Variants in PELI1 observed in about 807,000 individuals in gnomAD.
The protein encoded by PELI1 is pellino E3 ubiquitin protein ligase 1, also known as E3 ubiquitin-protein ligase pellino homolog 1.
In PELI1, 15 loss-of-function variants were observed where a neutral mutation model predicts 41.3. The observed-to-expected ratio is 0.36, with a 90% confidence interval of 0.24 to 0.56. PELI1 has a LOEUF of 0.56. Ranked by LOEUF, PELI1 falls within the 20% of genes least tolerant of loss-of-function variation. PELI1 has a pLI of 0.82. For missense variants in PELI1, 403 were observed against 525.5 expected (o/e 0.77, Z 2.28); for synonymous variants, 178 against 180.1 (o/e 0.99, Z 0.09).
At chr2:64,098,250 A>C (rs1476546491) in intron 4 of PELI1, among the ~76,000 whole-genome samples, 1 of 152,250 alleles carries the variant, frequency 6.6e-6, no homozygotes, top group Non-Finnish European at 1.5e-5. Context: ...TTAAAAATAC[A>C]GCTCTTTTGT....
chr2:64,128,603 G>A (rs1681462266), intron 1 of PELI1, among the ~76,000 whole-genome samples: 1 of 152,028 alleles, frequency 6.6e-6, no homozygotes, highest in African/African-American at 2.4e-5. Context: ...AGACTAATGT[G>A]ACATCCATAA....
In PELI1 at chr2:64,108,215, G is replaced by C. The variant is rs766121224; in HGVS notation, c.71+25C>G. 7.6e-6 allele frequency: 10 copies of C among 1,311,882 alleles called. No individual in the cohort carries two copies. The East Asian group carries it at 1.8e-4, about 24-fold the overall frequency. 81.3% of individuals were successfully genotyped at this position (1,311,882 alleles called of 1,614,324 possible). ...GTTAGCATATATTATTAAACTGTGT[G>C]TGTCATCAAATGGAGAAACCTTACC... On this transcript the variant is annotated intron_variant, in intron 2 of 6. Coordinates refer to ENST00000358912, the MANE Select transcript of PELI1 (RefSeq NM_020651.4).
chr2:64,143,388 G>GA (rs1576110797), intron 1 of PELI1: 1 of 152,154 alleles, frequency 6.6e-6, no homozygotes, highest in African/African-American at 2.4e-5. Context: ...CGGGGCTTTG[G>GA]AGAACGGGTT....
At chr2:64,116,184 G>C (rs1050966518) in intron 1 of PELI1, among the ~76,000 whole-genome samples, 1 of 152,126 alleles carries the variant, frequency 6.6e-6, no homozygotes, top group African/African-American at 2.4e-5. Context: ...ATATAGTCTT[G>C]CAACCTTACC....
At chr2:64,104,488 G>A in intron 3 of PELI1, 1 of 602,056 alleles carries the variant, frequency 1.7e-6, no homozygotes, top group Non-Finnish European at 2.5e-6. Context: ...TCCACCCACT[G>A]ATCCTGGTTT....
At chr2:64,124,030 T>A (rs562659375) in intron 1 of PELI1, among the ~76,000 whole-genome samples, 1 of 152,194 alleles carries the variant, frequency 6.6e-6, no homozygotes, top group East Asian at 1.9e-4. Context: ...GTGAAAGAAG[T>A]CAGTCACAAA....
In PELI1 at chr2:64,100,388, G is replaced by A; in HGVS notation, c.303+10C>T. 7.2e-7 allele frequency: 1 copy of A among 1,379,794 alleles called. No individual in the cohort carries two copies. Among genetic ancestry groups the A allele is most frequent in the Non-Finnish European group, 1.0e-6 (1 of 973,320 alleles). The allele number at this position is 1,379,794 out of a possible 1,614,324, so 85.5% of individuals were successfully genotyped here. The stretch of plus-strand genomic sequence containing the variant: ...TTTCTTAAGAAAAAAAATTTAAGAT[G>A]TTGTAATACCTGAAACATATCGGTG... On this transcript the variant is annotated intron_variant, in intron 4 of 6. Transcript: ENST00000358912.
chr2:64,133,934 A>G (rs953489049), intron 1 of PELI1, among the ~76,000 whole-genome samples: 2 of 152,126 alleles, frequency 1.3e-5, no homozygotes, highest in African/African-American at 4.8e-5. Context: ...CATTGTGAGC[A>G]ATGAATGATC....
intron 1 of PELI1, among the ~76,000 whole-genome samples, chr2:64,138,796 T>C (rs758857528): frequency 3.3e-5 from 5 of 152,168 alleles, no homozygotes; most frequent in Non-Finnish European, 5.9e-5. Flanking sequence ...ACATATCCCA[T>C]TTATTCTCCC....
intron 1 of PELI1, among the ~76,000 whole-genome samples, chr2:64,117,334 A>C (rs1480989865): frequency 6.6e-6 from 1 of 151,514 alleles, no homozygotes; most frequent in African/African-American, 2.4e-5. Context: ...TGATACAATG[A>C]AGTAAGTTCT....
intron 1 of PELI1, among the ~76,000 whole-genome samples, chr2:64,140,692 A>G (rs1681874171): frequency 6.6e-6 from 1 of 151,666 alleles, no homozygotes; most frequent in African/African-American, 2.4e-5. Context: ...TCATTAAACA[A>G]CAAAAAGTAT....
At chr2:64,138,846 C>T (rs147016601) in intron 1 of PELI1, among the ~76,000 whole-genome samples, 97 of 152,306 alleles carry the variant, frequency 6.4e-4, no homozygotes, top group African/African-American at 2.2e-3. Flanking sequence ...GTGTGTAAAA[C>T]TGTTTATTAG....
At position 64,095,029 on chromosome 2, in the gene PELI1, G is replaced by A. The variant is rs1001182559; in HGVS notation, c.930C>T (p.Asn310=). 1 of 1,614,106 alleles carries A rather than the reference G, an allele frequency of 6.2e-7. No homozygotes were observed. The highest frequency in any genetic ancestry group is 8.5e-7 in the Non-Finnish European group (1 of 1,179,954). ...TATGATAGCCATGTACATGGCCGCAGTTTAGATATACCCATGGTTGTTTTT... is the reference window on the plus strand; with the variant it reads ...TATGATAGCCATGTACATGGCCGCAATTTAGATATACCCATGGTTGTTTTT... ...VDEKQPWVYL[N]CGHVHGYHNW... Residue 310 remains asparagine (N), a synonymous_variant, in exon 7 of 7, where the codon AAC becomes AAT. Coordinates refer to ENST00000358912, the MANE Select transcript of PELI1 (RefSeq NM_020651.4).
chr2:64,139,230 A>T (rs934575813), intron 1 of PELI1, among the ~76,000 whole-genome samples: 2 of 152,172 alleles, frequency 1.3e-5, no homozygotes, highest in African/African-American at 4.8e-5. Flanking sequence ...AGTCTCTTTT[A>T]ATCTTATAGT....
chr2:64,131,129 T>C (rs1482368255), intron 1 of PELI1, among the ~76,000 whole-genome samples: 1 of 152,190 alleles, frequency 6.6e-6, no homozygotes, highest in East Asian at 1.9e-4. Context: ...AATTTCTTGG[T>C]CCAAAAGCAC....
intron 2 of PELI1, 91 bp from the exon 3 acceptor site, chr2:64,104,921 C>T: frequency 9.5e-7 from 1 of 1,053,826 alleles, no homozygotes; most frequent in Non-Finnish European, 1.4e-6. Context: ...AATCAATTCC[C>T]AATTAATTAT....
intron 1 of PELI1, among the ~76,000 whole-genome samples, chr2:64,121,827 C>G (rs1294488811): frequency 6.6e-6 from 1 of 151,816 alleles, no homozygotes; most frequent in African/African-American, 2.4e-5. Flanking sequence ...ATAGCTTGAA[C>G]CCGGGAGGCG....
In PELI1 at chr2:64,124,770, C is replaced by T. The variant is rs75437974; in HGVS notation, c.-69-16391G>A. On this transcript the variant is annotated intron_variant, in intron 1 of 6. Transcript: ENST00000358912. Reference sequence around the variant, plus strand: ...AACCACCAACTCTCCAATTCTGACACCAACTGGGCATCCAACAAATCAATT... The same window carrying T: ...AACCACCAACTCTCCAATTCTGACATCAACTGGGCATCCAACAAATCAATT... Among the ~76,000 whole-genome samples, 415 of 152,308 alleles carry T rather than the reference C, an allele frequency of 2.7e-3. 1 individual carries two copies. The highest frequency in any genetic ancestry group is 0.014 in the Middle Eastern group (4 of 294).
chr2:64,102,512 A>C (rs1281039904), intron 3 of PELI1, among the ~76,000 whole-genome samples: 1 of 152,106 alleles, frequency 6.6e-6, no homozygotes, highest in African/African-American at 2.4e-5. Context: ...AGCTGGGACT[A>C]ACAGGCATGT....
Sources: allele counts gnomAD v4.1 joint callset (sites outside exome capture counted in the v4.1 genomes callset), GRCh38; gene constraint gnomAD v4.1.1; transcripts MANE v1.5; gene names NCBI Gene and HGNC (gene_info 2026-07-23, HGNC 2026-07-21).